The following CLEC9A variants were observed in gnomAD, a reference collection of about 807,000 sequenced individuals.
CLEC9A encodes the protein C-type lectin domain family 9 member A.
CLEC9A carries 24 observed loss-of-function variants against 30.0 expected under a neutral mutation model. The observed-to-expected ratio is 0.80, with a 90% CI of 0.58 to 1.13. The LOEUF (loss-of-function observed/expected upper bound fraction) is 1.13, where lower values mean the gene tolerates loss of function less well. Ranked by LOEUF, CLEC9A falls within the 50% of genes most tolerant of loss-of-function variation. The pLI is 0.00. For missense variants in CLEC9A, 251 were observed against 280.9 expected (o/e 0.89, Z 0.76); for synonymous variants, 111 against 96.8 (o/e 1.15, Z -0.86).
At chr12:10,039,843 A>G (rs1056050590) in intron 1 of CLEC9A, among the ~76,000 whole-genome samples, 14 of 129,982 alleles carry the variant, frequency 1.1e-4, no homozygotes, top group African/African-American at 3.9e-4. Flanking sequence ...TTTATTTGAA[A>G]CAAAGTTCCG....
intron 1 of CLEC9A, among the ~76,000 whole-genome samples, chr12:10,032,076 G>A (rs1865702716): frequency 6.6e-6 from 1 of 152,134 alleles, no homozygotes; most frequent in Non-Finnish European, 1.5e-5. Flanking sequence ...CTATTTGAAT[G>A]ACTAAAATCC....
rs1865917185 is a variant in CLEC9A, at chr12:10,053,931, A to T, written c.92-340A>T. 2.0e-5 allele frequency among the ~76,000 whole-genome samples: 3 copies of T among 152,340 alleles called. No individual in the cohort carries two copies. In the South Asian group the frequency reaches 6.2e-4, roughly 32 times the overall value. On this transcript the variant is annotated intron_variant, in intron 4 of 8. Transcript: ENST00000355819. Reference sequence around the variant, plus strand: ...TTTTATCTCAAAACATAAAGCCAGCATTTGGCTTGGGGGAATCTCTAAAAG... The same window carrying T: ...TTTTATCTCAAAACATAAAGCCAGCTTTTGGCTTGGGGGAATCTCTAAAAG...
At chr12:10,036,833 A>G (rs1246626105) in intron 1 of CLEC9A, among the ~76,000 whole-genome samples, 1 of 152,210 alleles carries the variant, frequency 6.6e-6, no homozygotes, top group African/African-American at 2.4e-5. Flanking sequence ...AGTCCCCCAA[A>G]TTTCTTAAAC....
At position 10,052,736 on chromosome 12, in the gene CLEC9A, C is replaced by T. The variant is rs775306651; in HGVS notation, c.49C>T (p.Pro17Ser). Reference protein sequence around the residue: ...YTSLQWDSPAPDTYQKCLSSN... With the variant: ...YTSLQWDSPASDTYQKCLSSN... ...CTCTCTTCAGTGGGATAGCCCAGCA[C>T]CAGACACTTACCAGAAATGTCTGTC... The change falls in exon 4 of 9, where the codon CCA becomes TCA. Residue 17 changes from proline (P) to serine (S), a missense_variant. Coordinates refer to ENST00000355819, the MANE Select transcript of CLEC9A (RefSeq NM_207345.4). The T allele has an allele frequency of 2.5e-6, 4 of 1,613,858 alleles. No individual in the cohort carries two copies. In the African/African-American group the frequency reaches 5.3e-5, roughly 22 times the overall value.
At chr12:10,061,509 G>A (rs1194421785) in intron 6 of CLEC9A, among the ~76,000 whole-genome samples, 1 of 152,074 alleles carries the variant, frequency 6.6e-6, no homozygotes. Flanking sequence ...TGCCAAAGAG[G>A]TGTGTGTGCA....
rs150458277 is a variant in CLEC9A at position 10,063,956 on chromosome 12, C to T, written c.471+750C>T. 4.2e-3 allele frequency among the ~76,000 whole-genome samples: 635 copies of T among 152,104 alleles called. 4 individuals are homozygous for T. Among genetic ancestry groups the T allele is most frequent in the African/African-American group, 0.014 (582 of 41,498 alleles). On this transcript the variant is annotated intron_variant, in intron 7 of 8. Transcript: ENST00000355819. ...CCAGGAGGTAGAGGTTTGCAATGAG[C>T]CGAGATTCAGCCATTGCACTCCAGC... is the stretch of plus-strand genomic sequence containing the variant.
At chr12:10,058,354 A>G (rs1310803432) in intron 5 of CLEC9A, among the ~76,000 whole-genome samples, 5 of 152,176 alleles carry the variant, frequency 3.3e-5, no homozygotes, top group Non-Finnish European at 7.3e-5. Flanking sequence ...CTCTGGTTAG[A>G]TCCATCATTT....
In CLEC9A at chr12:10,037,538, G is replaced by T. The variant is rs981224599; in HGVS notation, c.-317-3928G>T. ...TCGCAGGGCACACTCACACGCACCC[G>T]CACTCACTCACACTGGGACCATGTA... is the stretch of plus-strand genomic sequence containing the variant. On this transcript the variant is annotated intron_variant, in intron 1 of 8. Transcript: ENST00000355819. Among the ~76,000 whole-genome samples the T allele has an allele frequency of 3.3e-5, 5 of 151,920 alleles. No individual in the cohort carries two copies. The South Asian group carries it at 6.3e-4, about 19-fold the overall frequency.
At chr12:10,035,571 C>T (rs1364055215) in intron 1 of CLEC9A, among the ~76,000 whole-genome samples, 1 of 152,188 alleles carries the variant, frequency 6.6e-6, no homozygotes, top group Admixed American at 6.5e-5. Context: ...TTCCCATAAT[C>T]GCACTGAGTA....
At chr12:10,062,854 G>T (rs1866009014) in intron 6 of CLEC9A, among the ~76,000 whole-genome samples, 1 of 152,112 alleles carries the variant, frequency 6.6e-6, no homozygotes, top group Admixed American at 6.6e-5. Context: ...TTAAGTTAAA[G>T]GCCCATTGCA....
chr12:10,047,166 T>G (rs1168110608), intron 2 of CLEC9A, among the ~76,000 whole-genome samples: 1 of 152,240 alleles, frequency 6.6e-6, no homozygotes, highest in African/African-American at 2.4e-5. Context: ...TCTACAGATC[T>G]TGGATTTGGA....
chr12:10,046,907 G>A (rs1865851567), intron 2 of CLEC9A, among the ~76,000 whole-genome samples: 1 of 152,102 alleles, frequency 6.6e-6, no homozygotes, highest in Non-Finnish European at 1.5e-5. Context: ...TCTATGAAAT[G>A]GGTTTAATAT....
intron 5 of CLEC9A, among the ~76,000 whole-genome samples, chr12:10,057,564 T>C (rs951329025): frequency 3.3e-5 from 5 of 151,926 alleles, no homozygotes; most frequent in African/African-American, 9.6e-5. Flanking sequence ...AGAATTCTTC[T>C]AGAACCATTG....
At chr12:10,062,327 C>T (rs1460276201) in intron 6 of CLEC9A, among the ~76,000 whole-genome samples, 6 of 152,178 alleles carry the variant, frequency 3.9e-5, no homozygotes, top group Non-Finnish European at 7.4e-5. Flanking sequence ...CAGTGTCTTT[C>T]CTTCTATAAA....
intron 2 of CLEC9A, among the ~76,000 whole-genome samples, chr12:10,046,812 G>C (rs959969575): frequency 6.6e-6 from 1 of 152,162 alleles, no homozygotes; most frequent in Non-Finnish European, 1.5e-5. Flanking sequence ...CTTTAATACA[G>C]TTAGAGAAAT....
At chr12:10,047,441 AAAGCATCTTACAC>A (rs540505825) in intron 2 of CLEC9A, among the ~76,000 whole-genome samples, 74 of 152,362 alleles carry the variant, frequency 4.9e-4, no homozygotes, top group Middle Eastern at 3.4e-3. Context: ...ATTCATATCT[AAAGCATCTTACAC>A]ATGGAATCAA....
intron 2 of CLEC9A, among the ~76,000 whole-genome samples, chr12:10,049,276 A>G (rs1865873883): frequency 6.6e-6 from 1 of 152,130 alleles, no homozygotes; most frequent in Non-Finnish European, 1.5e-5. Flanking sequence ...GGCAGGGTAT[A>G]TTTAGGATAA....
chr12:10,040,671 C>T (rs1175958631), intron 1 of CLEC9A, among the ~76,000 whole-genome samples: 1 of 151,742 alleles, frequency 6.6e-6, no homozygotes, highest in Admixed American at 6.6e-5. Flanking sequence ...AGGATGGTCT[C>T]CATCTCCTTA....
At chr12:10,034,423 A>G (rs7305357) in intron 1 of CLEC9A, among the ~76,000 whole-genome samples, 103,738 of 152,094 alleles carry the variant, frequency 0.68, 36,217 homozygotes, top group Middle Eastern at 0.83. Flanking sequence ...GGAAGAACTC[A>G]ATTATATCAC....
Sources: gnomAD v4.1 joint callset for allele counts (sites outside exome capture counted in the v4.1 genomes callset) on GRCh38, gnomAD v4.1.1 for gene constraint, MANE v1.5 for transcripts, NCBI Gene and HGNC (gene_info 2026-07-23, HGNC 2026-07-21) for gene names.